Variants in MBOAT2 observed in about 807,000 individuals in gnomAD.
MBOAT2 encodes membrane bound glycerophospholipid O-acyltransferase 2.
Under a neutral mutation model 63.4 loss-of-function variants are expected in MBOAT2, and 28 were observed. That is an observed-to-expected ratio of 0.44 (90% CI 0.33 to 0.61). The LOEUF is 0.61. Among genes scored for constraint, MBOAT2 ranks in the 20% least tolerant of loss-of-function variants. MBOAT2 has a pLI of 0.03. For missense variants in MBOAT2, 470 were observed against 605.8 expected (o/e 0.78, Z 2.35); for synonymous variants, 211 against 215.6 (o/e 0.98, Z 0.19).
intron 1 of MBOAT2, among the ~76,000 whole-genome samples, chr2:8,986,140 C>A (rs931125752): frequency 7.1e-6 from 1 of 140,096 alleles, no homozygotes. Context: ...GAAAAACATT[C>A]AATAAATCCC....
intron 1 of MBOAT2, among the ~76,000 whole-genome samples, chr2:8,996,373 C>T (rs940295501): frequency 6.6e-5 from 10 of 152,180 alleles, no homozygotes; most frequent in African/African-American, 1.2e-4. Context: ...TATTTGTATT[C>T]ATCGGGTAGA....
At chr2:8,924,618 C>A (rs997654326) in intron 3 of MBOAT2, among the ~76,000 whole-genome samples, 2 of 151,970 alleles carry the variant, frequency 1.3e-5, no homozygotes, top group African/African-American at 4.8e-5. Context: ...GACACTGATA[C>A]ATGAAGTCAC....
At chr2:8,997,120 T>A (rs1047678043) in intron 1 of MBOAT2, among the ~76,000 whole-genome samples, 5 of 152,208 alleles carry the variant, frequency 3.3e-5, no homozygotes, top group African/African-American at 1.2e-4. Context: ...CCTGCTTCAA[T>A]CACCCATAGC....
intron 3 of MBOAT2, among the ~76,000 whole-genome samples, chr2:8,940,291 T>C (rs1279441956): frequency 6.6e-6 from 1 of 152,050 alleles, no homozygotes; most frequent in Non-Finnish European, 1.5e-5. Context: ...ATTTTCTTTT[T>C]TTTCCTCTCT....
At chr2:8,925,983 C>T (rs150007131) in intron 3 of MBOAT2, among the ~76,000 whole-genome samples, 23 of 152,244 alleles carry the variant, frequency 1.5e-4, no homozygotes, top group Non-Finnish European at 2.8e-4. Flanking sequence ...CTCCAATTTA[C>T]AAAAGAGGAG....
At chr2:8,859,778 A>C (rs1443860344) in intron 12 of MBOAT2, among the ~76,000 whole-genome samples, 1 of 152,232 alleles carries the variant, frequency 6.6e-6, no homozygotes, top group Non-Finnish European at 1.5e-5. Context: ...AGAGGAGATA[A>C]GTAGATTATA....
chr2:8,946,852 G>C (rs935200468), intron 2 of MBOAT2, among the ~76,000 whole-genome samples: 2 of 152,006 alleles, frequency 1.3e-5, no homozygotes, highest in African/African-American at 4.8e-5. Context: ...TCCCCATTCC[G>C]GAGAGACAAC....
At chr2:8,867,118 G>A (rs768546561) in intron 9 of MBOAT2, among the ~76,000 whole-genome samples, 2 of 152,092 alleles carry the variant, frequency 1.3e-5, no homozygotes, top group Non-Finnish European at 2.9e-5. Context: ...CAAGTGGCAC[G>A]ATCACGGCTC....
At chr2:8,986,562 C>CT (rs963827917) in intron 1 of MBOAT2, among the ~76,000 whole-genome samples, 3 of 148,338 alleles carry the variant, frequency 2.0e-5, no homozygotes, top group Non-Finnish European at 4.5e-5. Context: ...GAGATTCTGT[C>CT]TTTAAAAAAA....
intron 4 of MBOAT2, among the ~76,000 whole-genome samples, chr2:8,888,972 T>TTA (rs2148551809): frequency 6.6e-6 from 1 of 152,380 alleles, no homozygotes; most frequent in South Asian, 2.1e-4. Flanking sequence ...CAGAAGTTAT[T>TTA]TAATTTTTTG....
intron 5 of MBOAT2, among the ~76,000 whole-genome samples, chr2:8,886,364 A>C (rs1663552287): frequency 6.6e-6 from 1 of 152,214 alleles, no homozygotes; most frequent in South Asian, 2.1e-4. Flanking sequence ...CTTGAATTCA[A>C]CTACATGCTC....
intron 1 of MBOAT2, among the ~76,000 whole-genome samples, chr2:9,002,810 C>A (rs1401574317): frequency 6.6e-6 from 1 of 152,198 alleles, no homozygotes; most frequent in African/African-American, 2.4e-5. Flanking sequence ...TAGACACTGT[C>A]AAGAGCTTTT....
intron 1 of MBOAT2, among the ~76,000 whole-genome samples, chr2:8,982,102 C>T (rs183081880): frequency 9.2e-5 from 14 of 152,208 alleles, no homozygotes; most frequent in Admixed American, 3.9e-4. Flanking sequence ...GGCTGCTGTC[C>T]GGATTAAGCG....
Position 8,856,404 on chromosome 2 carries a change from T to A in MBOAT2, c.*2275A>T, listed in dbSNP as rs1472329983. ...TTCACTTATGACATGCCTGAACCTG[T>A]CTTTTAAATTCTTAATTTGTTCACT... On this transcript the variant is annotated 3_prime_UTR_variant, in exon 13 of 13. Coordinates refer to ENST00000305997, the MANE Select transcript of MBOAT2 (RefSeq NM_138799.4). This position sits in a 1 kb window ranked among gnomAD's most constrained non-coding sequence, Gnocchi z 4.2. 6.6e-6 allele frequency: 1 copy of A among 152,146 alleles called. No individual in the cohort carries two copies. The allele number at this position is 152,146 out of a possible 1,614,324, so 9.4% of individuals were successfully genotyped here.
intron 3 of MBOAT2, among the ~76,000 whole-genome samples, chr2:8,916,901 A>C (rs1312856988): frequency 6.6e-6 from 1 of 152,218 alleles, no homozygotes; most frequent in African/African-American, 2.4e-5. Flanking sequence ...CCTGATTTCA[A>C]GACTAAGTAT....
rs1382801282 is a variant in MBOAT2 at position 8,857,566 on chromosome 2, G to C, written c.*1113C>G. 2.6e-5 allele frequency: 4 copies of C among 152,206 alleles called. No individual in the cohort carries two copies. Among genetic ancestry groups the C allele is most frequent in the African/African-American group, 9.6e-5 (4 of 41,454 alleles). The allele number at this position is 152,206 out of a possible 1,614,324, so 9.4% of individuals were successfully genotyped here. A position where few individuals can be genotyped will look rare whatever the true frequency, so the allele number is the denominator to read the frequency against. On this transcript the variant is annotated 3_prime_UTR_variant, in exon 13 of 13. Transcript: ENST00000305997. ...TCTTAAAAAATGTCACCCAGACTCAGTGACTTTTATTTTTCATTTCCCTAA... is the reference window on the plus strand; with the variant it reads ...TCTTAAAAAATGTCACCCAGACTCACTGACTTTTATTTTTCATTTCCCTAA...
At chr2:8,894,888 C>T (rs1257104674) in intron 4 of MBOAT2, among the ~76,000 whole-genome samples, 1 of 151,530 alleles carries the variant, frequency 6.6e-6, no homozygotes, top group Non-Finnish European at 1.5e-5. Context: ...TTCGTTCCTC[C>T]CAGTGGGTTC....
intron 12 of MBOAT2, 105 bp downstream of exon 12, chr2:8,860,508 G>A (rs1361616453): frequency 8.7e-7 from 1 of 1,143,534 alleles, no homozygotes; most frequent in South Asian, 1.4e-5. Flanking sequence ...TTTATCAGCA[G>A]GAAATGTGGC....
chr2:8,995,731 C>T (rs1573281856), intron 1 of MBOAT2, among the ~76,000 whole-genome samples: 1 of 151,938 alleles, frequency 6.6e-6, no homozygotes, highest in Admixed American at 6.6e-5. Flanking sequence ...GCTGGGACCA[C>T]GGGCACCCGC....
Sources: gnomAD v4.1 joint callset for allele counts (sites outside exome capture counted in the v4.1 genomes callset) on GRCh38, gnomAD v4.1.1 for gene constraint, Gnocchi (gnomAD v3.1) non-coding constraint, MANE v1.5 for transcripts, NCBI Gene and HGNC (gene_info 2026-07-23, HGNC 2026-07-21) for gene names.